PLEKHA7: variants seen among roughly 807,000 people sequenced by gnomAD.
PLEKHA7 encodes the protein pleckstrin homology domain containing A7.
In PLEKHA7, 104 loss-of-function variants were observed where a neutral mutation model predicts 170.0. That is an observed-to-expected ratio of 0.61 (90% CI 0.52 to 0.72). The LOEUF (loss-of-function observed/expected upper bound fraction) is 0.72, where lower values mean the gene tolerates loss of function less well. PLEKHA7 is among the 30% of genes least tolerant of loss of function. The pLI is 0.00. For missense variants in PLEKHA7, 1,615 were observed against 1,671.7 expected (o/e 0.97, Z 0.59); for synonymous variants, 648 against 660.8 (o/e 0.98, Z 0.30).
intron 3 of PLEKHA7, among the ~76,000 whole-genome samples, chr11:16,959,974 C>T (rs886359008): frequency 6.6e-6 from 1 of 152,098 alleles, no homozygotes; most frequent in African/African-American, 2.4e-5. Flanking sequence ...CTACTGCCCC[C>T]CAAGGGATCT....
intron 3 of PLEKHA7, among the ~76,000 whole-genome samples, chr11:16,885,246 C>T (rs532570566): frequency 7.9e-5 from 12 of 151,712 alleles, no homozygotes; most frequent in South Asian, 4.2e-4. Flanking sequence ...AGGAGACTCA[C>T]TTGAAATCAG....
chr11:16,830,003 G>T (rs974927585), intron 9 of PLEKHA7, among the ~76,000 whole-genome samples: 6 of 151,026 alleles, frequency 4.0e-5, no homozygotes, highest in African/African-American at 1.5e-4. Context: ...TTCTGATACA[G>T]GGTCCCACTC....
chr11:16,815,996 A>G (rs1368057789), intron 12 of PLEKHA7, among the ~76,000 whole-genome samples, 182 bp downstream of exon 12: 1 of 152,080 alleles, frequency 6.6e-6, no homozygotes, highest in African/African-American at 2.4e-5. Flanking sequence ...CTTCCCCTTC[A>G]CTGGGGACCC....
intron 3 of PLEKHA7, among the ~76,000 whole-genome samples, chr11:16,930,095 G>A (rs1859825823): frequency 1.3e-5 from 2 of 152,188 alleles, no homozygotes; most frequent in African/African-American, 4.8e-5. Flanking sequence ...TTGGCGCAAG[G>A]CTGTTAAACT....
At chr11:16,846,050 C>T (rs113268542) in intron 8 of PLEKHA7, among the ~76,000 whole-genome samples, 31 of 152,076 alleles carry the variant, frequency 2.0e-4, no homozygotes, top group African/African-American at 6.5e-4. Flanking sequence ...TTTTGGAGGC[C>T]GAGGCGGGTG....
At chr11:16,939,527 A>T (rs1860537442) in intron 3 of PLEKHA7, among the ~76,000 whole-genome samples, 1 of 152,236 alleles carries the variant, frequency 6.6e-6, no homozygotes, top group Non-Finnish European at 1.5e-5. Context: ...TTACGTATTT[A>T]GTTTTTATTG....
At chr11:16,859,389 G>A (rs1201656521) in intron 4 of PLEKHA7, among the ~76,000 whole-genome samples, 1 of 152,180 alleles carries the variant, frequency 6.6e-6, no homozygotes, top group East Asian at 1.9e-4. Flanking sequence ...AAAAATGGTG[G>A]TCGTGCTTGG....
At chr11:16,997,911 C>T (rs1417230104) in intron 3 of PLEKHA7, among the ~76,000 whole-genome samples, 1 of 152,210 alleles carries the variant, frequency 6.6e-6, no homozygotes, top group Non-Finnish European at 1.5e-5. Flanking sequence ...ACGGCACAGC[C>T]TGTCACAGAA....
At chr11:16,950,909 C>T (rs1215788419) in intron 3 of PLEKHA7, among the ~76,000 whole-genome samples, 1 of 152,160 alleles carries the variant, frequency 6.6e-6, no homozygotes, top group Non-Finnish European at 1.5e-5. Context: ...TGCATTTTCA[C>T]GACACTCAGG....
intron 3 of PLEKHA7, among the ~76,000 whole-genome samples, chr11:16,921,537 T>C (rs1024288069): frequency 2.0e-5 from 3 of 152,250 alleles, no homozygotes; most frequent in Non-Finnish European, 4.4e-5. Flanking sequence ...CAAACATATT[T>C]GTAGGAACTT....
intron 9 of PLEKHA7, among the ~76,000 whole-genome samples, chr11:16,829,109 TCCTC>T (rs964934477): frequency 4.0e-5 from 6 of 151,538 alleles, no homozygotes; most frequent in Non-Finnish European, 8.8e-5. Flanking sequence ...GCTCAAGTGA[TCCTC>T]CCACCTCAGC....
chr11:16,796,800 A>G (rs747220564), intron 17 of PLEKHA7, among the ~76,000 whole-genome samples: 2 of 152,030 alleles, frequency 1.3e-5, no homozygotes, highest in Non-Finnish European at 2.9e-5. Context: ...GGAGTACCGG[A>G]GCATGCCACC....
intron 12 of PLEKHA7, among the ~76,000 whole-genome samples, 170 bp downstream of exon 12, chr11:16,816,008 G>A (rs1849724085): frequency 6.6e-6 from 1 of 152,122 alleles, no homozygotes; most frequent in African/African-American, 2.4e-5. Context: ...TGGGGACCCA[G>A]TGACAGCCAG....
At chr11:16,993,852 A>G (rs753590219) in intron 3 of PLEKHA7, among the ~76,000 whole-genome samples, 2 of 152,240 alleles carry the variant, frequency 1.3e-5, no homozygotes, top group African/African-American at 2.4e-5. Flanking sequence ...GAAAAGTGAA[A>G]GCCATCTCCA....
chr11:16,854,856 T>G, intron 6 of PLEKHA7, 33 bp downstream of exon 6: 3 of 1,583,266 alleles, frequency 1.9e-6, no homozygotes, highest in Non-Finnish European at 2.6e-6. Flanking sequence ...CAGAGCCATT[T>G]CCTCCAGGAT....
At chr11:16,914,117 T>A (rs1466733875) in intron 3 of PLEKHA7, among the ~76,000 whole-genome samples, 1 of 152,028 alleles carries the variant, frequency 6.6e-6, no homozygotes, top group Non-Finnish European at 1.5e-5. Flanking sequence ...GAAATACACA[T>A]GATATCGTAA....
chr11:16,934,411 A>G lies in PLEKHA7; in HGVS notation c.222-63229T>C, dbSNP rs565385353. On this transcript the variant is annotated intron_variant, in intron 3 of 26. Transcript: ENST00000531066. ...GGGGTCAGGTAGAGGTTTGGAGGGG[A>G]AAAAAAAAGCAATTTTCAAAGTTCA... Among the ~76,000 whole-genome samples the G allele has an allele frequency of 1.5e-4, 22 of 151,016 alleles. 1 individual carries two copies. In the East Asian group the frequency reaches 1.5e-3, roughly 11 times the overall value.
chr11:16,879,259 G>A (rs1855534229), intron 3 of PLEKHA7, among the ~76,000 whole-genome samples: 1 of 152,166 alleles, frequency 6.6e-6, no homozygotes, highest in South Asian at 2.1e-4. Flanking sequence ...GGGTTGGGAG[G>A]AGTCATTCCT....
intron 4 of PLEKHA7, 143 bp from the exon 5 acceptor site, chr11:16,856,057 T>G: frequency 1.5e-6 from 1 of 685,708 alleles, no homozygotes; most frequent in Non-Finnish European, 2.5e-6. Flanking sequence ...GACTCCAGAC[T>G]GCAGCCAGAA....
Sources: allele counts gnomAD v4.1 joint callset (sites outside exome capture counted in the v4.1 genomes callset), GRCh38; gene constraint gnomAD v4.1.1; transcripts MANE v1.5; gene names NCBI Gene and HGNC (gene_info 2026-07-23, HGNC 2026-07-21).